ADAMTS12: variants seen among roughly 807,000 people sequenced by gnomAD.
ADAMTS12 encodes the protein A disintegrin and metalloproteinase with thrombospondin motifs 12.
ADAMTS12 carries 118 observed loss-of-function variants against 167.8 expected under a neutral mutation model. The ratio of observed to expected loss-of-function variants is 0.70; its 90% CI spans 0.61 to 0.82. The LOEUF is 0.82. ADAMTS12 is among the 40% of genes least tolerant of loss of function. ADAMTS12 has a pLI of 0.00. For missense variants in ADAMTS12, 1,916 were observed against 1,998.8 expected, an observed-to-expected ratio of 0.96 and a Z score of 0.79; for synonymous variants, 704 against 716.9, an observed-to-expected ratio of 0.98 and a Z score of 0.29.
At chr5:33,775,591 G>A (rs1214402694) in intron 2 of ADAMTS12, among the ~76,000 whole-genome samples, 5 of 152,152 alleles carry the variant, frequency 3.3e-5, no homozygotes, top group Non-Finnish European at 5.9e-5. Context: ...TGGAAAACTA[G>A]CCATTAAAGA....
chr5:33,693,312 A>G (rs867529754), intron 3 of ADAMTS12, among the ~76,000 whole-genome samples: 3 of 152,342 alleles, frequency 2.0e-5, no homozygotes, highest in Middle Eastern at 3.4e-3. Flanking sequence ...TGCTCTTTCA[A>G]TAGACAGCAA....
intron 5 of ADAMTS12, among the ~76,000 whole-genome samples, chr5:33,680,831 T>G (rs1463972570): frequency 6.6e-6 from 1 of 152,186 alleles, no homozygotes; most frequent in African/African-American, 2.4e-5. Context: ...ATGAGATTGC[T>G]AAGTTAGATA....
intron 5 of ADAMTS12, among the ~76,000 whole-genome samples, chr5:33,681,014 C>G (rs1742092499): frequency 6.6e-6 from 1 of 152,164 alleles, no homozygotes; most frequent in Non-Finnish European, 1.5e-5. Context: ...GTGCCCCAAT[C>G]AATGGTAAAC....
At chr5:33,880,133 T>C (rs550195577) in intron 2 of ADAMTS12, among the ~76,000 whole-genome samples, 13 of 152,308 alleles carry the variant, frequency 8.5e-5, no homozygotes, top group South Asian at 8.3e-4. Flanking sequence ...TTTTGAGATA[T>C]AGCGTATAAT....
chr5:33,826,312 C>T (rs1462989444), intron 2 of ADAMTS12, among the ~76,000 whole-genome samples: 2 of 151,848 alleles, frequency 1.3e-5, no homozygotes, highest in Non-Finnish European at 2.9e-5. Context: ...TGATAGTCTG[C>T]TCAGTGAGGG....
intron 19 of ADAMTS12, among the ~76,000 whole-genome samples, chr5:33,565,953 CA>C (rs1317780315): frequency 6.6e-6 from 1 of 151,978 alleles, no homozygotes; most frequent in Non-Finnish European, 1.5e-5. Context: ...ATAATTAAAA[CA>C]CATTTAAATT....
chr5:33,760,879 C>G (rs1579913206), intron 2 of ADAMTS12, among the ~76,000 whole-genome samples: 1 of 145,468 alleles, frequency 6.9e-6, no homozygotes, highest in Admixed American at 6.8e-5. Flanking sequence ...TGTCTTTGCT[C>G]TGTGTGTGTG....
At chr5:33,668,663 C>T (rs12187406) in intron 5 of ADAMTS12, among the ~76,000 whole-genome samples, 145,172 of 152,240 alleles carry the variant, frequency 0.95, 69,599 homozygotes, top group Non-Finnish European at 1. Flanking sequence ...TTCTATTTTT[C>T]GGTAGAGACG....
chr5:33,740,212 G>C (rs1744514826), intron 3 of ADAMTS12, among the ~76,000 whole-genome samples: 1 of 152,162 alleles, frequency 6.6e-6, no homozygotes, highest in South Asian at 2.1e-4. Context: ...AAACTCATTT[G>C]ACTGTATATA....
rs147581732 is a variant in ADAMTS12 at position 33,734,565 on chromosome 5, T to C, written c.634+16839A>G. 6.6e-4 allele frequency among the ~76,000 whole-genome samples: 100 copies of C among 152,324 alleles called. 1 individual carries two copies. Among genetic ancestry groups the C allele is most frequent in the African/African-American group, 2.4e-3 (98 of 41,574 alleles). On this transcript the variant is annotated intron_variant, in intron 3 of 23. Coordinates refer to ENST00000504830, the MANE Select transcript of ADAMTS12 (RefSeq NM_030955.4). ...TTAATTTACTGTGCTAAACATAATATAGCTTCTAAAATTCCTAACAAAGAC... is the reference window on the plus strand; with the variant it reads ...TTAATTTACTGTGCTAAACATAATACAGCTTCTAAAATTCCTAACAAAGAC...
At chr5:33,872,701 T>C (rs1750084119) in intron 2 of ADAMTS12, among the ~76,000 whole-genome samples, 2 of 152,176 alleles carry the variant, frequency 1.3e-5, no homozygotes, top group Non-Finnish European at 2.9e-5. Context: ...GCTCCAGCTA[T>C]GGCTAAAAGG....
chr5:33,841,644 C>A (rs1748749128), intron 2 of ADAMTS12, among the ~76,000 whole-genome samples: 2 of 152,184 alleles, frequency 1.3e-5, no homozygotes, highest in Non-Finnish European at 2.9e-5. Flanking sequence ...TTTTCACACA[C>A]AAAAACTTGC....
chr5:33,729,568 T>C (rs1197535888), intron 3 of ADAMTS12, among the ~76,000 whole-genome samples: 2 of 152,238 alleles, frequency 1.3e-5, no homozygotes, highest in African/African-American at 2.4e-5. Flanking sequence ...TCCATTTTAA[T>C]TTGCTTTAAC....
chr5:33,599,032 A>T (rs1456370405), intron 16 of ADAMTS12, among the ~76,000 whole-genome samples: 1 of 152,222 alleles, frequency 6.6e-6, no homozygotes, highest in Admixed American at 6.5e-5. Flanking sequence ...AGATGAACCT[A>T]GCCCTTGGAT....
chr5:33,690,941 T>C (rs1742527664), intron 3 of ADAMTS12, among the ~76,000 whole-genome samples: 3 of 152,080 alleles, frequency 2.0e-5, no homozygotes, highest in African/African-American at 7.2e-5. Flanking sequence ...TAACAAAAAA[T>C]GAAGTAATCA....
At chr5:33,686,826 A>C (rs1488603738) in intron 3 of ADAMTS12, among the ~76,000 whole-genome samples, 10 of 150,830 alleles carry the variant, frequency 6.6e-5, no homozygotes, top group Admixed American at 6.6e-4. Context: ...AGAGATGTAT[A>C]TATCTTCCTG....
intron 20 of ADAMTS12, among the ~76,000 whole-genome samples, chr5:33,555,246 C>T (rs1468323704): frequency 1.3e-5 from 2 of 151,908 alleles, no homozygotes; most frequent in Non-Finnish European, 2.9e-5. Context: ...ACTTTTTCTC[C>T]CATATGATTT....
In ADAMTS12 at chr5:33,528,004, G is replaced by A. The variant is rs553956977; in HGVS notation, c.4607-638C>T. 1.3e-5 allele frequency among the ~76,000 whole-genome samples: 2 copies of A among 151,752 alleles called. 1 individual carries two copies. The highest frequency in any genetic ancestry group is 4.2e-4 in the South Asian group (2 of 4,800). On this transcript the variant is annotated intron_variant, in intron 23 of 23. Coordinates refer to ENST00000504830, the MANE Select transcript of ADAMTS12 (RefSeq NM_030955.4). Reference sequence around the variant, plus strand: ...CACAATTCACAATTGCAAAGATATGGAACCAACCTAAGGGCCCGTCAACCA... The same window carrying A: ...CACAATTCACAATTGCAAAGATATGAAACCAACCTAAGGGCCCGTCAACCA...
intron 7 of ADAMTS12, among the ~76,000 whole-genome samples, chr5:33,650,324 A>G (rs1285884097): frequency 6.6e-6 from 1 of 152,208 alleles, no homozygotes; most frequent in East Asian, 1.9e-4. Flanking sequence ...CTCCTAGAAG[A>G]TGGGGTAGTC....
Sources: gnomAD v4.1 joint callset for allele counts (sites outside exome capture counted in the v4.1 genomes callset) on GRCh38, gnomAD v4.1.1 for gene constraint, MANE v1.5 for transcripts, NCBI Gene and HGNC (gene_info 2026-07-23, HGNC 2026-07-21) for gene names.